The following AGBL1 variants were observed in gnomAD, a reference collection of about 807,000 sequenced individuals.
AGBL1 encodes the protein cytosolic carboxypeptidase 4.
In AGBL1, 130 loss-of-function variants were observed where a neutral mutation model predicts 118.9. The ratio of observed to expected loss-of-function variants is 1.09; its 90% CI spans 0.95 to 1.26. The LOEUF is 1.26. Among genes scored for constraint, AGBL1 ranks in the 50% most tolerant of loss-of-function variants. The pLI is 0.00. For missense variants in AGBL1, 1,584 were observed against 1,298.1 expected, an observed-to-expected ratio of 1.22 and a Z score of -3.38; for synonymous variants, 555 against 478.9, an observed-to-expected ratio of 1.16 and a Z score of -2.08.
intron 18 of AGBL1, among the ~76,000 whole-genome samples, chr15:86,493,853 C>A (rs776257281): frequency 6.6e-6 from 1 of 152,050 alleles, no homozygotes; most frequent in Non-Finnish European, 1.5e-5. Context: ...CATCCCCTTG[C>A]CCACTTCCCC....
At position 86,413,278 on chromosome 15, in the gene AGBL1, A is replaced by T. The variant is rs535378437; in HGVS notation, c.2555+15732A>T. Among the ~76,000 whole-genome samples, 20 of 152,336 alleles carry T rather than the reference A, an allele frequency of 1.3e-4. No individual in the cohort carries two copies. In the South Asian group the frequency reaches 4.1e-3, roughly 32 times the overall value. ...CCAGGCCTAAAACTTTCCCCACTGA[A>T]TCTCCATTACATGCAAGGATAACAT... On this transcript the variant is annotated intron_variant, in intron 18 of 22. Coordinates refer to ENST00000614907, the MANE Select transcript of AGBL1 (RefSeq NM_001386094.1).
intron 5 of AGBL1, among the ~76,000 whole-genome samples, chr15:86,211,129 C>T (rs191218004): frequency 1.5e-3 from 235 of 152,288 alleles, no homozygotes; most frequent in African/African-American, 5.4e-3. Flanking sequence ...CCCTGTTTGT[C>T]TGGGTATCAC....
At chr15:86,711,637 C>A (rs971470175) in intron 22 of AGBL1, among the ~76,000 whole-genome samples, 2 of 152,102 alleles carry the variant, frequency 1.3e-5, no homozygotes, top group East Asian at 1.9e-4. Context: ...TAGGTCATGG[C>A]AAAGAACAGG....
chr15:86,083,106 G>A (rs1362371567), intron 1 of AGBL1, among the ~76,000 whole-genome samples: 4 of 152,190 alleles, frequency 2.6e-5, no homozygotes, highest in Non-Finnish European at 2.9e-5. Flanking sequence ...TTCCCTCGTT[G>A]AGTATGCAGT....
intron 22 of AGBL1, among the ~76,000 whole-genome samples, chr15:86,681,344 T>C (rs535574368): frequency 6.6e-6 from 1 of 152,338 alleles, no homozygotes; most frequent in Admixed American, 6.5e-5. Flanking sequence ...CTTTTATTCA[T>C]GTTTGTACTA....
intron 22 of AGBL1, among the ~76,000 whole-genome samples, chr15:86,896,415 T>C (rs1051931095): frequency 6.6e-6 from 1 of 151,884 alleles, no homozygotes; most frequent in African/African-American, 2.4e-5. Context: ...AAAAAATACC[T>C]GCATGGTAAT....
chr15:86,274,068 A>G (rs779698965), intron 15 of AGBL1, among the ~76,000 whole-genome samples: 1 of 152,352 alleles, frequency 6.6e-6, no homozygotes, highest in African/African-American at 2.4e-5. Context: ...AAAAAAGTGT[A>G]TATGCATTAC....
chr15:86,131,462 A>G (rs1046749091), intron 1 of AGBL1, among the ~76,000 whole-genome samples: 2 of 152,162 alleles, frequency 1.3e-5, no homozygotes, highest in East Asian at 1.9e-4. Flanking sequence ...AACTTGCTAT[A>G]TTTCAAAATT....
Position 86,084,833 on chromosome 15 carries a change from T to TATCCATCCATCCATCCATCC in AGBL1, c.51+4811_51+4830dup, listed in dbSNP as rs770780218. On this transcript the variant is annotated intron_variant, in intron 1 of 22. Transcript: ENST00000614907. Reference sequence around the variant, plus strand: ...ATATTCACTCATCCACCCATTCATTTATCCATCCATCCATCCATCCCATTT... The same window carrying TATCCATCCATCCATCCATCC: ...ATATTCACTCATCCACCCATTCATTTATCCATCCATCCATCCATCCATCCATCCATCCATCCATCCCATTT... 1.8e-3 allele frequency among the ~76,000 whole-genome samples: 281 copies of TATCCATCCATCCATCCATCC among 152,312 alleles called. 1 individual carries two copies. In the East Asian group the frequency reaches 0.023, roughly 12 times the overall value.
chr15:86,428,241 G>A (rs1001828723), intron 18 of AGBL1, among the ~76,000 whole-genome samples: 1 of 152,174 alleles, frequency 6.6e-6, no homozygotes, highest in Non-Finnish European at 1.5e-5. Flanking sequence ...GCACAGCTTT[G>A]GGTAGAAAGA....
intron 22 of AGBL1, among the ~76,000 whole-genome samples, chr15:86,694,492 T>C (rs2086222583): frequency 6.6e-6 from 1 of 152,114 alleles, no homozygotes; most frequent in African/African-American, 2.4e-5. Context: ...TAGGAGCTTT[T>C]TGATGGAGTC....
At chr15:86,349,424 T>C (rs2080590489) in intron 17 of AGBL1, among the ~76,000 whole-genome samples, 1 of 152,228 alleles carries the variant, frequency 6.6e-6, no homozygotes, top group Non-Finnish European at 1.5e-5. Context: ...CTCAATATTT[T>C]ATTATGTATG....
intron 18 of AGBL1, among the ~76,000 whole-genome samples, chr15:86,406,308 C>G (rs556581343): frequency 1.3e-5 from 2 of 152,294 alleles, no homozygotes; most frequent in South Asian, 4.1e-4. Context: ...AGAGTTTTAA[C>G]AACAAGTGAA....
chr15:86,543,515 C>A (rs1567048904), intron 19 of AGBL1, among the ~76,000 whole-genome samples: 1 of 152,018 alleles, frequency 6.6e-6, no homozygotes, highest in Non-Finnish European at 1.5e-5. Flanking sequence ...TTTTTCAGAC[C>A]AAAATGATCT....
intron 17 of AGBL1, among the ~76,000 whole-genome samples, chr15:86,365,792 G>T (rs1275160503): frequency 6.6e-6 from 1 of 151,956 alleles, no homozygotes; most frequent in Admixed American, 6.6e-5. Context: ...ACATTTCTGG[G>T]GTAAGGGAGT....
intron 18 of AGBL1, among the ~76,000 whole-genome samples, chr15:86,450,868 A>G (rs1465849355): frequency 6.6e-6 from 1 of 152,180 alleles, no homozygotes; most frequent in Non-Finnish European, 1.5e-5. Context: ...TATTTTATTT[A>G]TCTTCATTAG....
intron 20 of AGBL1, 63 bp from the exon 21 acceptor site, chr15:86,554,298 T>C (rs1227010171): frequency 6.6e-5 from 91 of 1,369,020 alleles, no homozygotes; most frequent in Non-Finnish European, 8.6e-5. Flanking sequence ...AGAAGCTATT[T>C]TTATGATGAC....
In AGBL1 at chr15:86,495,125, G is replaced by GCTTT. The variant is rs1358485369; in HGVS notation, c.2556-27674_2556-27671dup. On this transcript the variant is annotated intron_variant, in intron 18 of 22. Coordinates refer to ENST00000614907, the MANE Select transcript of AGBL1 (RefSeq NM_001386094.1). The stretch of plus-strand genomic sequence containing the variant: ...CTCACTCTCTCTCTCTCTCTCTCTC[G>GCTTT]CTTTCTTTCTTTCTCTCTCTTTCTC... Among the ~76,000 whole-genome samples the GCTTT allele has an allele frequency of 5.8e-4, 85 of 145,446 alleles. 1 individual carries two copies. The highest frequency in any genetic ancestry group is 2.0e-3 in the African/African-American group (79 of 38,984).
intron 22 of AGBL1, among the ~76,000 whole-genome samples, chr15:86,729,176 A>G (rs1441082707): frequency 1.3e-5 from 2 of 152,234 alleles, no homozygotes; most frequent in East Asian, 1.9e-4. Flanking sequence ...AAATAGATAA[A>G]GAGAACAATA....
Sources: allele counts gnomAD v4.1 joint callset (sites outside exome capture counted in the v4.1 genomes callset), GRCh38; gene constraint gnomAD v4.1.1; transcripts MANE v1.5; gene names NCBI Gene and HGNC (gene_info 2026-07-23, HGNC 2026-07-21).